The following TCF24 variants were observed in gnomAD, a reference collection of about 807,000 sequenced individuals.
TCF24 encodes the protein transcription factor 24.
Under a neutral mutation model 9.3 loss-of-function variants are expected in TCF24, and 5 were observed. That is an observed-to-expected ratio of 0.54 (90% CI 0.28 to 1.13). The LOEUF (loss-of-function observed/expected upper bound fraction) is 1.13, where lower values mean the gene tolerates loss of function less well. Among genes scored for constraint, TCF24 ranks in the 50% most tolerant of loss-of-function variants. TCF24 has a pLI of 0.09. For synonymous variants in TCF24, 110 were observed against 115.8 expected (o/e 0.95, Z 0.32); for missense variants, 220 against 236.1 (o/e 0.93, Z 0.45).
chr8:66,961,275 C>T, intron 3 of TCF24, 101 bp downstream of exon 3: 1 of 1,297,356 alleles, frequency 7.7e-7, no homozygotes, highest in Admixed American at 4.0e-5. Flanking sequence ...CCCGCCTCAC[C>T]CGAAAAGGAA....
In TCF24 at chr8:66,961,711, G is replaced by C; in HGVS notation, c.55C>G (p.Pro19Ala). The C allele has an allele frequency of 9.1e-7, 1 of 1,095,696 alleles. No homozygotes were observed. Among genetic ancestry groups the C allele is most frequent in the Non-Finnish European group, 1.1e-6 (1 of 901,868 alleles). 67.9% of individuals were successfully genotyped at this position (1,095,696 alleles called of 1,614,324 possible). A position where few individuals can be genotyped will look rare whatever the true frequency, so the allele number is the denominator to read the frequency against. The change falls in exon 3 of 4, where the codon CCC becomes GCC. Residue 19 changes from proline to alanine, a missense_variant. Pro to Ala is a conservative substitution (Grantham distance 27). Transcript: ENST00000563496. ...SPLSASAEPA[P>A]LAAAIRDSRP... ...GAGTCGCGGATGGCGGCGGCCAGGG[G>C]CGCGGGCTCGGCGCTGGCGCTGAGG...
intron 3 of TCF24, among the ~76,000 whole-genome samples, chr8:66,951,642 T>C (rs1008421256): frequency 2.6e-5 from 4 of 152,374 alleles, no homozygotes; most frequent in Admixed American, 2.6e-4. Context: ...TCTTTTTCTG[T>C]TGAGTAGAAT....
In TCF24 at chr8:66,949,096, CTTTT is replaced by C. The variant is rs909646333; in HGVS notation, c.391-936_391-933del. On this transcript the variant is annotated intron_variant, in intron 3 of 3. Coordinates refer to ENST00000563496, the MANE Select transcript of TCF24 (RefSeq NM_001193502.2). ...CTGTATGTATTGACATCATCTAGCT[CTTTT>C]TTTTTCTTTTTTTTTTATTATACTT... Among the ~76,000 whole-genome samples, 3 of 150,864 alleles carry C rather than the reference CTTTT, an allele frequency of 2.0e-5. No homozygotes were observed. In the East Asian group the frequency reaches 5.8e-4, roughly 29 times the overall value.
At chr8:66,948,273 T>C in intron 3 of TCF24, 109 bp from the exon 4 acceptor site, 2 of 634,912 alleles carry the variant, frequency 3.2e-6, no homozygotes, top group Non-Finnish European at 4.9e-6. Flanking sequence ...TGCAATATTA[T>C]GTAGCTAATA....
rs1585948191 is a variant in TCF24, at chr8:66,961,720, C to CGGCGCT, written c.40_45dup (p.Ser14_Ala15dup). 1.8e-6 allele frequency: 2 copies of CGGCGCT among 1,103,722 alleles called. No homozygotes were observed. The highest frequency in any genetic ancestry group is 9.9e-5 in the East Asian group (2 of 20,244). 68.4% of individuals were successfully genotyped at this position (1,103,722 alleles called of 1,614,324 possible). A position where few individuals can be genotyped will look rare whatever the true frequency, so the allele number is the denominator to read the frequency against. On this transcript the variant is annotated inframe_insertion, in exon 3 of 4. Transcript: ENST00000563496. ...ATGGCGGCGGCCAGGGGCGCGGGCTCGGCGCTGGCGCTGAGGGGGCTGCCC... is the reference window on the plus strand; with the variant it reads ...ATGGCGGCGGCCAGGGGCGCGGGCTCGGCGCTGGCGCTGGCGCTGAGGGGGCTGCCC...
At chr8:66,956,698 C>G (rs1017167836) in intron 3 of TCF24, among the ~76,000 whole-genome samples, 2 of 152,130 alleles carry the variant, frequency 1.3e-5, no homozygotes. Context: ...TGAGGTTTAT[C>G]TGATATATCA....
intron 3 of TCF24, among the ~76,000 whole-genome samples, chr8:66,949,212 T>C (rs1352394232): frequency 6.6e-6 from 1 of 152,082 alleles, no homozygotes; most frequent in Non-Finnish European, 1.5e-5. Flanking sequence ...CACTAACTCG[T>C]CATCTAGCAT....
At position 66,961,498 on chromosome 8, in the gene TCF24, C is replaced by G. The variant is rs929042759; in HGVS notation, c.268G>C (p.Val90Leu). ...ATGTAGGTGGTGGCCAGCAGCAGCA[C>G]GTCCAGCTTGGACAGCTTGGTGTCG... ...PPDTKLSKLD[V>L]LLLATTYIAH... Residue 90 changes from valine (V) to leucine (L), a missense_variant, in exon 3 of 4, where the codon GTG becomes CTG. By Grantham distance (32) the Val-to-Leu change is conservative. Transcript: ENST00000563496. The G allele has an allele frequency of 1.3e-6, 2 of 1,527,080 alleles. No homozygotes were observed. The highest frequency in any genetic ancestry group is 2.0e-5 in the Admixed American group (1 of 50,502). 94.6% of individuals were successfully genotyped at this position (1,527,080 alleles called of 1,614,324 possible).
rs1813975936 is a variant in TCF24, at chr8:66,947,108, A to C, written c.*943T>G. The C allele has an allele frequency of 6.6e-6, 1 of 152,212 alleles. No homozygotes were observed. Among genetic ancestry groups the C allele is most frequent in the Non-Finnish European group, 1.5e-5 (1 of 68,040 alleles). The allele number at this position is 152,212 out of a possible 1,614,324, so 9.4% of individuals were successfully genotyped here. A position where few individuals can be genotyped will look rare whatever the true frequency, so the allele number is the denominator to read the frequency against. ...TTTAAATATGCAAGTACTTTTCTAC[A>C]TATTAATATGTAGAGAACTATTATA... On this transcript the variant is annotated 3_prime_UTR_variant, in exon 4 of 4. Coordinates refer to ENST00000563496, the MANE Select transcript of TCF24 (RefSeq NM_001193502.2).
chr8:66,961,854 C>T, intron 2 of TCF24, 23 bp downstream of exon 2: 1 of 986,538 alleles, frequency 1.0e-6, no homozygotes, highest in Non-Finnish European at 1.2e-6. Context: ...GGCGCAGCCC[C>T]CTGGTTCTCC....
intron 3 of TCF24, among the ~76,000 whole-genome samples, chr8:66,950,015 C>T (rs1214105262): frequency 7.4e-6 from 1 of 135,804 alleles, no homozygotes; most frequent in Non-Finnish European, 1.6e-5. Context: ...AGCCCTTTGT[C>T]AGATGAGTAG....
At chr8:66,954,097 G>T (rs1417069638) in intron 3 of TCF24, among the ~76,000 whole-genome samples, 2 of 152,234 alleles carry the variant, frequency 1.3e-5, no homozygotes, top group Non-Finnish European at 2.9e-5. Context: ...CTCTCAGCTC[G>T]TCAAAGTCAT....
intron 3 of TCF24, among the ~76,000 whole-genome samples, chr8:66,949,412 T>C (rs1814020887): frequency 6.6e-6 from 1 of 152,190 alleles, no homozygotes; most frequent in Non-Finnish European, 1.5e-5. Flanking sequence ...ATTTCATCCA[T>C]GTCCCTACAA....
chr8:66,958,199 T>G (rs1814194706), intron 3 of TCF24, among the ~76,000 whole-genome samples: 1 of 152,332 alleles, frequency 6.6e-6, no homozygotes, highest in Non-Finnish European at 1.5e-5. Flanking sequence ...TTAGGTTGCA[T>G]GTCATCAGGA....
rs1421395456 is a variant in TCF24 at position 66,955,318 on chromosome 8, A to C, written c.390+6058T>G. 3.3e-5 allele frequency among the ~76,000 whole-genome samples: 5 copies of C among 152,170 alleles called. No homozygotes were observed. In the East Asian group the frequency reaches 7.7e-4, roughly 23 times the overall value. On this transcript the variant is annotated intron_variant, in intron 3 of 3. Coordinates refer to ENST00000563496, the MANE Select transcript of TCF24 (RefSeq NM_001193502.2). ...TTTGGGAGGGAGGCAGGTGTCATAT[A>C]ATCAGTTAAGTTCTAAGATCCTTGG...
Position 66,954,960 on chromosome 8 carries a change from G to A in TCF24, c.390+6416C>T, listed in dbSNP as rs190625978. On this transcript the variant is annotated intron_variant, in intron 3 of 3. Coordinates refer to ENST00000563496, the MANE Select transcript of TCF24 (RefSeq NM_001193502.2). ...CCTCGCCCTGCCTTGGCTCGCACAC[G>A]GTGCGCGCACCCACTGACCTGCGCC... 7.3e-4 allele frequency: 113 copies of A among 154,694 alleles called. 1 individual carries two copies. The East Asian group carries it at 0.019, about 27-fold the overall frequency. 9.6% of individuals were successfully genotyped at this position (154,694 alleles called of 1,614,324 possible).
At chr8:66,948,263 T>G in intron 3 of TCF24, 99 bp from the exon 4 acceptor site, 1 of 681,870 alleles carries the variant, frequency 1.5e-6, no homozygotes, top group Non-Finnish European at 2.3e-6. Context: ...CCAATGCAAA[T>G]GCAATATTAT....
intron 3 of TCF24, among the ~76,000 whole-genome samples, chr8:66,949,210 C>T (rs1308803423): frequency 3.3e-5 from 5 of 151,872 alleles, no homozygotes; most frequent in Non-Finnish European, 7.4e-5. Context: ...CCCACTAACT[C>T]GTCATCTAGC....
intron 3 of TCF24, among the ~76,000 whole-genome samples, chr8:66,948,747 G>A (rs532686818): frequency 1.3e-5 from 2 of 152,084 alleles, no homozygotes; most frequent in South Asian, 2.1e-4. Flanking sequence ...CCAGGCTGGA[G>A]TGCAGTGGCA....
Sources: gnomAD v4.1 joint callset for allele counts (sites outside exome capture counted in the v4.1 genomes callset) on GRCh38, gnomAD v4.1.1 for gene constraint, MANE v1.5 for transcripts, NCBI Gene and HGNC (gene_info 2026-07-23, HGNC 2026-07-21) for gene names.